The following MYO9A variants were observed in gnomAD, a reference collection of about 807,000 sequenced individuals.
MYO9A encodes unconventional myosin-IXa.
A neutral mutation model predicts 293.3 loss-of-function variants in MYO9A; 103 were observed. The observed-to-expected ratio is 0.35, with a 90% confidence interval of 0.30 to 0.41. MYO9A has a LOEUF of 0.41. Among genes scored for constraint, MYO9A ranks in the 10% least tolerant of loss-of-function variants. The pLI is 1.00. For synonymous variants in MYO9A, 1,001 were observed against 1,035.7 expected (o/e 0.97, Z 0.64); for missense variants, 2,685 against 3,033.0 (o/e 0.89, Z 2.69).
At chr15:72,077,747 A>T (rs1166224426) in intron 1 of MYO9A, among the ~76,000 whole-genome samples, 2 of 45,798 alleles carry the variant, frequency 4.4e-5, no homozygotes, top group African/African-American at 6.8e-5. Context: ...AAAAAAAAAA[A>T]AAAAAATATA....
At chr15:71,906,950 T>A (rs1461831682) in intron 19 of MYO9A, among the ~76,000 whole-genome samples, 2 of 149,842 alleles carry the variant, frequency 1.3e-5, no homozygotes, top group African/African-American at 2.5e-5. Flanking sequence ...CTTTTTTTTT[T>A]TTATTATTAT....
At chr15:71,957,567 C>T (rs549228106) in intron 14 of MYO9A, among the ~76,000 whole-genome samples, 2 of 152,002 alleles carry the variant, frequency 1.3e-5, no homozygotes, top group East Asian at 1.9e-4. Context: ...AGATTCTAGA[C>T]TTATGGTGAT....
At chr15:71,845,095 CA>C (rs1286798163) in intron 39 of MYO9A, among the ~76,000 whole-genome samples, 1 of 152,108 alleles carries the variant, frequency 6.6e-6, no homozygotes, top group Non-Finnish European at 1.5e-5. Flanking sequence ...TGTTAAGTCA[CA>C]AAAATAGGAA....
rs2056817957 is a variant in MYO9A, at chr15:71,879,803, T to C, written c.5657A>G (p.Asp1886Gly). 1.2e-6 allele frequency: 2 copies of C among 1,613,450 alleles called. No homozygotes were observed. The highest frequency in any genetic ancestry group is 1.1e-5 in the South Asian group (1 of 91,064). ...NDLDNEDSKKDTLVDVVFKKA... is the reference protein window; with the variant it reads ...NDLDNEDSKKGTLVDVVFKKA... ...TTTAAATACAACATCCACTAGTGTA[T>C]CCTTCTTGCTGTCTTCATTATCTAG... is the stretch of plus-strand genomic sequence containing the variant. The change falls in exon 30 of 42, where the codon GAT becomes GGT. Residue 1886 changes from aspartate to glycine, a missense_variant. Physicochemically the swap from Asp to Gly is moderately conservative, Grantham distance 94. This residue lies in a region of MYO9A where 1,434 missense variants were observed against 1,497.7 expected (regional missense o/e 0.96). Transcript: ENST00000356056.
At chr15:71,847,348 C>A (rs1266037374) in intron 39 of MYO9A, 2 of 409,030 alleles carry the variant, frequency 4.9e-6, no homozygotes, top group African/African-American at 4.0e-5. Flanking sequence ...CAGGGCGGAA[C>A]AATTCCTGGA....
At chr15:72,001,325 T>C (rs12910620) in intron 8 of MYO9A, among the ~76,000 whole-genome samples, 2,077 of 152,022 alleles carry the variant, frequency 0.014, 22 homozygotes, top group East Asian at 0.025. Context: ...GAGGCCAAGG[T>C]GGGCGGATCA....
Position 71,999,855 on chromosome 15 carries a change from G to C in MYO9A, c.1466C>G (p.Ala489Gly). ...GEKLILPYKL[A>G]EAVTVRNSMA... The stretch of plus-strand genomic sequence containing the variant: ...TTCAAAGAAAATCCATCATACCTCT[G>C]CCAACTTGTATGGCAAAATAAGCTT... Residue 489 changes from alanine to glycine, a missense_variant, in exon 9 of 42, where the codon GCA becomes GGA. Coordinates refer to ENST00000356056, the MANE Select transcript of MYO9A (RefSeq NM_006901.4). 3.7e-6 allele frequency: 6 copies of C among 1,610,954 alleles called. No individual in the cohort carries two copies. The highest frequency in any genetic ancestry group is 5.1e-6 in the Non-Finnish European group (6 of 1,178,412).
intron 1 of MYO9A, among the ~76,000 whole-genome samples, chr15:72,051,645 C>T (rs1454577889): frequency 2.0e-5 from 3 of 152,128 alleles, no homozygotes; most frequent in Admixed American, 6.5e-5. Flanking sequence ...AGGTTGGGTC[C>T]GAGACTGGGC....
At chr15:71,908,445 G>A (rs187595660) in intron 19 of MYO9A, among the ~76,000 whole-genome samples, 16 of 152,340 alleles carry the variant, frequency 1.1e-4, no homozygotes, top group Admixed American at 7.8e-4. Context: ...TTACAGGCGT[G>A]AGCCTGTGCC....
intron 18 of MYO9A, among the ~76,000 whole-genome samples, chr15:71,921,767 T>C (rs1219737090): frequency 6.6e-6 from 1 of 152,180 alleles, no homozygotes; most frequent in Non-Finnish European, 1.5e-5. Context: ...TGATCTTTTT[T>C]CCAATAGCTT....
At chr15:72,043,271 T>C (rs995212890) in intron 2 of MYO9A, among the ~76,000 whole-genome samples, 2 of 152,102 alleles carry the variant, frequency 1.3e-5, no homozygotes, top group African/African-American at 4.8e-5. Context: ...ACCTGTACAC[T>C]AATAACTATA....
At chr15:72,107,020 T>A (rs550806221) in intron 1 of MYO9A, among the ~76,000 whole-genome samples, 4 of 151,874 alleles carry the variant, frequency 2.6e-5, no homozygotes, top group African/African-American at 9.7e-5. Flanking sequence ...AAAACATACA[T>A]CAATGTTAAT....
chr15:71,833,347 G>C (rs550482792), intron 39 of MYO9A, among the ~76,000 whole-genome samples: 42 of 152,104 alleles, frequency 2.8e-4, no homozygotes, highest in African/African-American at 9.6e-4. Context: ...TATATTAACT[G>C]TAAACAAAGT....
chr15:72,027,142 A>G (rs1429656134), intron 4 of MYO9A, among the ~76,000 whole-genome samples: 2 of 152,214 alleles, frequency 1.3e-5, no homozygotes, highest in African/African-American at 4.8e-5. Context: ...TTATCATTAA[A>G]ATGTGTTAGA....
chr15:71,854,893 C>G (rs1332967206), intron 34 of MYO9A, among the ~76,000 whole-genome samples: 1 of 152,162 alleles, frequency 6.6e-6, no homozygotes, highest in Non-Finnish European at 1.5e-5. Flanking sequence ...TATATGCAAA[C>G]AGCTTGACCA....
chr15:71,859,168 T>C (rs2141633487), intron 34 of MYO9A, among the ~76,000 whole-genome samples: 1 of 152,370 alleles, frequency 6.6e-6, no homozygotes, highest in African/African-American at 2.4e-5. Flanking sequence ...CATGCTATTG[T>C]AACAACTGTC....
chr15:71,935,538 G>T, intron 16 of MYO9A, 54 bp from the exon 17 acceptor site: 1 of 1,444,162 alleles, frequency 6.9e-7, no homozygotes, highest in Non-Finnish European at 9.3e-7. Flanking sequence ...ACACTATACT[G>T]CTTAAATAAG....
intron 1 of MYO9A, among the ~76,000 whole-genome samples, chr15:72,109,630 T>A (rs1300241600): frequency 1.3e-5 from 2 of 152,186 alleles, no homozygotes; most frequent in Non-Finnish European, 2.9e-5. Flanking sequence ...GGTTCACGCC[T>A]GTAATCACAG....
chr15:71,851,429 T>A, intron 36 of MYO9A, 71 bp from the exon 37 acceptor site: 1 of 1,239,442 alleles, frequency 8.1e-7, no homozygotes, highest in South Asian at 1.5e-5. Flanking sequence ...TCCCAGACAC[T>A]ATGAAGCAAA....
Sources: allele counts gnomAD v4.1 joint callset (sites outside exome capture counted in the v4.1 genomes callset), GRCh38; gene constraint gnomAD v4.1.1; regional missense constraint gnomAD v4.1.1; transcripts MANE v1.5; gene names NCBI Gene and HGNC (gene_info 2026-07-23, HGNC 2026-07-21).